DGKB: variants seen among roughly 807,000 people sequenced by gnomAD.
DGKB encodes 90 kDa diacylglycerol kinase.
DGKB carries 67 observed loss-of-function variants against 114.3 expected under a neutral mutation model. The ratio of observed to expected loss-of-function variants is 0.59; its 90% CI spans 0.48 to 0.72. The LOEUF (loss-of-function observed/expected upper bound fraction) is 0.72, where lower values mean the gene tolerates loss of function less well. Among genes scored for constraint, DGKB ranks in the 30% least tolerant of loss-of-function variants. The probability of loss-of-function intolerance (pLI) is 0.00; values close to 1 mark genes in which losing one functional copy is unlikely to be tolerated. For synonymous variants in DGKB, 398 were observed against 323.1 expected (o/e 1.23, Z -2.49); for missense variants, 907 against 975.2 (o/e 0.93, Z 0.93).
chr7:14,403,246 A>T (rs1438104959), intron 21 of DGKB, among the ~76,000 whole-genome samples: 2 of 151,718 alleles, frequency 1.3e-5, no homozygotes, highest in East Asian at 3.9e-4. Flanking sequence ...CTGGAACAGG[A>T]TGTTCTCTCT....
intron 1 of DGKB, among the ~76,000 whole-genome samples, chr7:14,934,940 T>A (rs995745087): frequency 1.3e-5 from 2 of 152,166 alleles, no homozygotes; most frequent in African/African-American, 4.8e-5. Flanking sequence ...TAATTCTACC[T>A]ACAGCCTAAT....
At chr7:14,834,227 G>T (rs1426252682) in intron 2 of DGKB, among the ~76,000 whole-genome samples, 1 of 152,094 alleles carries the variant, frequency 6.6e-6, no homozygotes, top group African/African-American at 2.4e-5. Context: ...AAAAATAAGA[G>T]CTATCATTTT....
intron 23 of DGKB, among the ~76,000 whole-genome samples, chr7:14,214,296 A>G (rs1470191776): frequency 1.3e-5 from 2 of 152,068 alleles, no homozygotes; most frequent in African/African-American, 4.8e-5. Flanking sequence ...ACTTACATTT[A>G]GCTTTTAACT....
intron 20 of DGKB, among the ~76,000 whole-genome samples, chr7:14,518,398 T>A (rs888740795): frequency 6.6e-6 from 1 of 151,584 alleles, no homozygotes; most frequent in Non-Finnish European, 1.5e-5. Flanking sequence ...AATCTGTATA[T>A]CAAACCCCCA....
chr7:14,649,743 G>A lies in DGKB; in HGVS notation c.1135-19475C>T, dbSNP rs1421724057. On this transcript the variant is annotated intron_variant, in intron 13 of 25. Coordinates refer to ENST00000402815, the MANE Select transcript of DGKB (RefSeq NM_001350709.2). ...AAGACCCATCAGTGTGCTGTATTCA[G>A]GAAACCCATCTCATGTGCAGAGACA... Among the ~76,000 whole-genome samples, 9 of 141,644 alleles carry A rather than the reference G, an allele frequency of 6.4e-5. No individual in the cohort carries two copies. In the East Asian group the frequency reaches 8.3e-4, roughly 13 times the overall value. The allele number at this position is 141,644 out of a possible 152,430, so 92.9% of individuals were successfully genotyped here.
In DGKB at chr7:14,580,902, C is replaced by T. The variant is rs758950287; in HGVS notation, c.1569G>A (p.Gly523=). The T allele has an allele frequency of 3.1e-6, 5 of 1,604,100 alleles. No individual in the cohort carries two copies. Among genetic ancestry groups the T allele is most frequent in the Non-Finnish European group, 4.3e-6 (5 of 1,173,238 alleles). The part of the protein sequence containing the change: ...KHPPVAILPL[G]TGNDLARCLR... The stretch of plus-strand genomic sequence containing the variant: ...GGCATCTTGCTAGATCATTGCCAGT[C>T]CCAAGAGGCAGAATCGCAACTGGAG... The change falls in exon 19 of 26, where the codon GGG becomes GGA. Residue 523 remains glycine (G), a synonymous_variant. Transcript: ENST00000402815.
intron 2 of DGKB, 65 bp from the exon 3 acceptor site, chr7:14,757,796 A>G: frequency 1.3e-6 from 1 of 789,030 alleles, no homozygotes; most frequent in Non-Finnish European, 2.1e-6. Flanking sequence ...AGCCCAGTCC[A>G]GAAACAGAGA....
chr7:14,351,064 C>CA (rs1437135889), intron 21 of DGKB, among the ~76,000 whole-genome samples: 32 of 151,452 alleles, frequency 2.1e-4, no homozygotes, highest in African/African-American at 7.8e-4. Flanking sequence ...AATTCTATGG[C>CA]ATAGCCGGAA....
intron 1 of DGKB, among the ~76,000 whole-genome samples, chr7:14,914,424 T>C (rs944170275): frequency 7.2e-5 from 11 of 152,170 alleles, no homozygotes; most frequent in Non-Finnish European, 1.3e-4. Context: ...AGAAGTTCTT[T>C]GGGAAACCCA....
intron 21 of DGKB, among the ~76,000 whole-genome samples, chr7:14,415,432 C>A (rs1825559999): frequency 6.6e-6 from 1 of 151,686 alleles, no homozygotes; most frequent in Admixed American, 6.6e-5. Context: ...CCCCCCACCC[C>A]ACAACAGGCC....
chr7:14,215,982 G>A (rs1788894079), intron 23 of DGKB, among the ~76,000 whole-genome samples: 2 of 151,574 alleles, frequency 1.3e-5, no homozygotes, highest in Admixed American at 6.6e-5. Flanking sequence ...TTCACAAACA[G>A]TTACAAACCT....
intron 2 of DGKB, among the ~76,000 whole-genome samples, chr7:14,800,908 G>C (rs984881468): frequency 6.6e-6 from 1 of 152,114 alleles, no homozygotes. Context: ...GCCAGGAAAA[G>C]AGCCATGACC....
chr7:14,639,740 A>C (rs1437874661), intron 13 of DGKB, among the ~76,000 whole-genome samples: 1 of 152,064 alleles, frequency 6.6e-6, no homozygotes, highest in Non-Finnish European at 1.5e-5. Context: ...CCCTCCCTTC[A>C]TTATAGGTTG....
At chr7:14,914,367 C>G (rs1784136693) in intron 1 of DGKB, among the ~76,000 whole-genome samples, 1 of 152,114 alleles carries the variant, frequency 6.6e-6, no homozygotes, top group African/African-American at 2.4e-5. Flanking sequence ...ACTTCATCAA[C>G]AGGGCTTACC....
intron 23 of DGKB, among the ~76,000 whole-genome samples, chr7:14,212,047 TA>T (rs745332548): frequency 5.8e-5 from 3 of 51,360 alleles, no homozygotes; most frequent in Admixed American, 2.7e-4. Context: ...TGTTTTGTGA[TA>T]TTTACTCTCA....
intron 2 of DGKB, among the ~76,000 whole-genome samples, chr7:14,788,153 G>A (rs1840156646): frequency 6.6e-6 from 1 of 152,174 alleles, no homozygotes; most frequent in Admixed American, 6.5e-5. Flanking sequence ...TTGAAGGATG[G>A]GCACAAATAG....
intron 2 of DGKB, 74 bp downstream of exon 2, chr7:14,841,120 C>T (rs551642277): frequency 2.3e-6 from 3 of 1,309,312 alleles, no homozygotes; most frequent in African/African-American, 2.9e-5. Context: ...ATCTATGATC[C>T]ATTCTTATAA....
chr7:14,307,769 G>C (rs1804730226), intron 23 of DGKB, among the ~76,000 whole-genome samples: 1 of 152,098 alleles, frequency 6.6e-6, no homozygotes, highest in African/African-American at 2.4e-5. Context: ...ATATCACATA[G>C]AGTTTTTCTT....
intron 23 of DGKB, among the ~76,000 whole-genome samples, chr7:14,217,326 T>G (rs1789146500): frequency 6.6e-6 from 1 of 152,204 alleles, no homozygotes; most frequent in Non-Finnish European, 1.5e-5. Context: ...ATTTAATGTT[T>G]GGATTTTTGT....
Sources: allele counts gnomAD v4.1 joint callset (sites outside exome capture counted in the v4.1 genomes callset), GRCh38; gene constraint gnomAD v4.1.1; transcripts MANE v1.5; gene names NCBI Gene and HGNC (gene_info 2026-07-23, HGNC 2026-07-21).